ANKAR: variants seen among roughly 807,000 people sequenced by gnomAD.
The protein encoded by ANKAR is ankyrin and armadillo repeat containing.
In ANKAR, 136 loss-of-function variants were observed where a neutral mutation model predicts 146.2. The ratio of observed to expected loss-of-function variants is 0.93; its 90% CI spans 0.81 to 1.07. ANKAR has a LOEUF of 1.07. Ranked by LOEUF, ANKAR falls within the 50% of genes least tolerant of loss-of-function variation. The pLI is 0.00. For synonymous variants in ANKAR, 500 were observed against 575.8 expected, an observed-to-expected ratio of 0.87 and a Z score of 1.88; for missense variants, 1,567 against 1,679.9, an observed-to-expected ratio of 0.93 and a Z score of 1.18.
intron 12 of ANKAR, among the ~76,000 whole-genome samples, chr2:189,721,957 A>C (rs565630886): frequency 5.9e-5 from 9 of 152,292 alleles, no homozygotes; most frequent in African/African-American, 2.2e-4. Flanking sequence ...TGGTGACATC[A>C]TTTGAAAGCC....
chr2:189,759,109 G>A (rs1333325529), intron 18 of ANKAR, among the ~76,000 whole-genome samples: 1 of 152,092 alleles, frequency 6.6e-6, no homozygotes, highest in African/African-American at 2.4e-5. Context: ...TTAAACCAAG[G>A]ACTTTGCAGT....
intron 9 of ANKAR, among the ~76,000 whole-genome samples, chr2:189,708,197 A>T (rs561219205): frequency 4.1e-4 from 62 of 152,366 alleles, no homozygotes; most frequent in South Asian, 1.9e-3. Context: ...CAGATGAAAT[A>T]CAGCAGTCTT....
chr2:189,752,601 C>T, intron 18 of ANKAR: 1 of 1,577,832 alleles, frequency 6.3e-7, no homozygotes, highest in Middle Eastern at 1.7e-4. Context: ...AAAATCCAGG[C>T]TTTGTCTTAA....
chr2:189,728,537 A>G, intron 14 of ANKAR, 117 bp downstream of exon 14: 3 of 1,470,314 alleles, frequency 2.0e-6, no homozygotes, highest in South Asian at 1.3e-5. Flanking sequence ...CCCTGGGCTC[A>G]AGTGATCCTC....
chr2:189,722,230 TTG>T (rs1433965612), intron 12 of ANKAR, among the ~76,000 whole-genome samples: 3 of 151,310 alleles, frequency 2.0e-5, no homozygotes, highest in African/African-American at 7.3e-5. Flanking sequence ...TCCCAGCTAC[TTG>T]GGAGGCTGAG....
downstream of ANKAR, among the ~76,000 whole-genome samples, chr2:189,751,287 G>A (rs1272163628): frequency 1.3e-5 from 2 of 152,146 alleles, no homozygotes; most frequent in East Asian, 3.9e-4. Flanking sequence ...CCACAAGGGG[G>A]CATAACTGAA....
chr2:189,692,342 A>C lies in ANKAR; in HGVS notation c.1127A>C (p.Gln376Pro), dbSNP rs2036547076. The C allele has an allele frequency of 1.9e-6, 3 of 1,613,314 alleles. No homozygotes were observed. The highest frequency in any genetic ancestry group is 2.5e-6 in the Non-Finnish European group (3 of 1,179,760). Residue 376 changes from glutamine (Q) to proline (P), a missense_variant, in exon 4 of 23, where the codon CAA becomes CCA. Physicochemically the swap from Gln to Pro is moderately conservative, Grantham distance 76. Transcript: ENST00000684021. The stretch of plus-strand genomic sequence containing the variant: ...CAGAATTTTCACTACAAAGAGAATC[A>C]ATATTTTCATGTTCATGGAGGAATT... ...KCQNFHYKENQYFHVHGGIEF... is the reference protein window; with the variant it reads ...KCQNFHYKENPYFHVHGGIEF...
chr2:189,695,203 G>C (rs747259533), intron 6 of ANKAR, 42 bp downstream of exon 6: 1 of 1,465,202 alleles, frequency 6.8e-7, no homozygotes, highest in African/African-American at 1.4e-5. Flanking sequence ...ATGAAGTTAT[G>C]TATTATTGAT....
intron 10 of ANKAR, among the ~76,000 whole-genome samples, chr2:189,719,205 A>G (rs1375323723): frequency 3.3e-5 from 5 of 152,230 alleles, no homozygotes; most frequent in Non-Finnish European, 7.3e-5. Flanking sequence ...AAGCAGTGCC[A>G]TGCGAAGTTG....
downstream of ANKAR, chr2:189,761,456 C>G: frequency 1.2e-6 from 2 of 1,612,154 alleles, no homozygotes; most frequent in Non-Finnish European, 1.7e-6. Context: ...TATTGCTTCT[C>G]CCAACACATT....
At chr2:189,735,819 TTTAG>T (rs1264576894) in intron 17 of ANKAR, among the ~76,000 whole-genome samples, 1 of 152,230 alleles carries the variant, frequency 6.6e-6, no homozygotes, top group African/African-American at 2.4e-5. Context: ...GTTGCATTAA[TTTAG>T]TTACTGTTAT....
intron 10 of ANKAR, among the ~76,000 whole-genome samples, chr2:189,714,328 A>C (rs1271826530): frequency 6.6e-6 from 1 of 152,164 alleles, no homozygotes; most frequent in Non-Finnish European, 1.5e-5. Flanking sequence ...GCACCACATC[A>C]CACTTACTCC....
chr2:189,755,062 A>T, intron 18 of ANKAR: 3 of 1,306,292 alleles, frequency 2.3e-6, no homozygotes, highest in East Asian at 2.4e-5. Flanking sequence ...TTTTCAGTTT[A>T]CTAAGATAAA....
At chr2:189,738,778 C>T in intron 19 of ANKAR, 96 bp downstream of exon 19, 3 of 722,822 alleles carry the variant, frequency 4.2e-6, no homozygotes, top group Admixed American at 6.1e-5. Flanking sequence ...ACGCCTGATA[C>T]ACTGCCACAA....
chr2:189,733,192 A>T lies in ANKAR; in HGVS notation c.3386A>T (p.Tyr1129Phe). 1.9e-6 allele frequency: 3 copies of T among 1,612,004 alleles called. No individual in the cohort carries two copies. Among genetic ancestry groups the T allele is most frequent in the Non-Finnish European group, 2.5e-6 (3 of 1,178,894 alleles). Reference protein sequence around the residue: ...KDLHENEGFEYADVLYLLHST... With the variant: ...KDLHENEGFEFADVLYLLHST... ...TTACATGAAAATGAAGGATTTGAAT[A>T]TGCTGATGTCCTTTATCTTCTTCAC... The change falls in exon 17 of 23, where the codon TAT becomes TTT. Residue 1129 changes from tyrosine (Y) to phenylalanine (F), a missense_variant. Tyr to Phe is a conservative substitution (Grantham distance 22). Coordinates refer to ENST00000684021, the MANE Select transcript of ANKAR (RefSeq NM_001378068.1).
At chr2:189,692,010 C>A (rs535985241) in intron 3 of ANKAR, among the ~76,000 whole-genome samples, 2 of 152,240 alleles carry the variant, frequency 1.3e-5, no homozygotes, top group African/African-American at 4.8e-5. Context: ...GATCCGCCCC[C>A]CTCAGCCTCT....
chr2:189,734,783 G>T (rs1239387198), intron 17 of ANKAR, among the ~76,000 whole-genome samples: 1 of 152,028 alleles, frequency 6.6e-6, no homozygotes, highest in Non-Finnish European at 1.5e-5. Flanking sequence ...TGCCAATATG[G>T]TGAAACCCCA....
chr2:189,704,889 T>A (rs2038710466), intron 7 of ANKAR, 134 bp from the exon 8 acceptor site: 1 of 722,078 alleles, frequency 1.4e-6, no homozygotes, highest in South Asian at 2.6e-5. Context: ...TGTCTAAATT[T>A]TTTTTTAATG....
intron 10 of ANKAR, among the ~76,000 whole-genome samples, 188 bp downstream of exon 10, chr2:189,711,341 GAT>G (rs2039655995): frequency 6.6e-6 from 1 of 151,738 alleles, no homozygotes; most frequent in Non-Finnish European, 1.5e-5. Flanking sequence ...AGCTGCACAG[GAT>G]CAAAAAACTT....
Sources: gnomAD v4.1 joint callset for allele counts (sites outside exome capture counted in the v4.1 genomes callset) on GRCh38, gnomAD v4.1.1 for gene constraint, MANE v1.5 for transcripts, NCBI Gene and HGNC (gene_info 2026-07-23, HGNC 2026-07-21) for gene names.